Variants in TENM1 observed in about 807,000 individuals in gnomAD.
TENM1 encodes the protein teneurin-1.
TENM1 carries 35 observed loss-of-function variants against 174.8 expected under a neutral mutation model. The ratio of observed to expected loss-of-function variants is 0.20; its 90% CI spans 0.15 to 0.27. The LOEUF (loss-of-function observed/expected upper bound fraction) is 0.27, where lower values mean the gene tolerates loss of function less well. TENM1 is among the 10% of genes least tolerant of loss of function. The pLI is 1.00. For synonymous variants in TENM1, 781 were observed against 798.7 expected (o/e 0.98, Z 0.37); for missense variants, 1,633 against 2,130.1 (o/e 0.77, Z 4.59).
intron 16 of TENM1, among the ~76,000 whole-genome samples, chrX:124,529,429 T>C (rs1470922128): frequency 8.9e-6 from 1 of 111,738 alleles, no homozygotes; most frequent in African/African-American, 3.3e-5. Flanking sequence ...ATAGGCAGCC[T>C]AGGGAGGACA....
At chrX:125,064,152 G>GA in the TENM1 span, among the ~76,000 whole-genome samples, 2 of 103,109 alleles carry the variant, frequency 1.9e-5, no homozygotes, top group Non-Finnish European at 3.9e-5. Context: ...ACACACCGGG[G>GA]CCGTTGTGGG....
At chrX:124,408,503 G>A (rs1383237773) in intron 25 of TENM1, among the ~76,000 whole-genome samples, 1 of 110,998 alleles carries the variant, frequency 9.0e-6, no homozygotes, top group African/African-American at 3.3e-5. Context: ...GCAGTAGACC[G>A]AAGGAAGCTG....
chrX:125,053,106 T>C, the TENM1 span, among the ~76,000 whole-genome samples: 28 of 112,151 alleles, frequency 2.5e-4, 1 homozygote, highest in Middle Eastern at 0.018. Flanking sequence ...AGAAAGAGAC[T>C]GTGAGAATCT....
intron 6 of TENM1, among the ~76,000 whole-genome samples, chrX:124,660,729 TA>T (rs1569372314): frequency 8.9e-6 from 1 of 111,904 alleles, no homozygotes. Flanking sequence ...ATAACAAGTG[TA>T]AGGATGTGGA....
the TENM1 span, among the ~76,000 whole-genome samples, chrX:125,135,256 C>A: frequency 8.9e-6 from 1 of 111,817 alleles, no homozygotes; most frequent in African/African-American, 3.2e-5. Context: ...AAAAGCAGAT[C>A]ACTCTACTTG....
At chrX:125,072,902 T>A in the TENM1 span, among the ~76,000 whole-genome samples, 1 of 110,648 alleles carries the variant, frequency 9.0e-6, no homozygotes, top group African/African-American at 3.3e-5. Context: ...TGCCTTATAA[T>A]TACATTGAGA....
At chrX:124,780,473 G>T (rs1209244588) in intron 3 of TENM1, among the ~76,000 whole-genome samples, 1 of 111,638 alleles carries the variant, frequency 9.0e-6, no homozygotes, top group African/African-American at 3.3e-5. Context: ...TCTTTGAGCA[G>T]AAATTGGGAC....
chrX:124,839,803 G>A lies in TENM1; in HGVS notation c.535+54493C>T, dbSNP rs184237760. Among the ~76,000 whole-genome samples, 20 of 111,989 alleles carry A rather than the reference G, an allele frequency of 1.8e-4. No individual in the cohort carries two copies. The East Asian group carries it at 4.8e-3, about 27-fold the overall frequency. On this transcript the variant is annotated intron_variant, in intron 3 of 31. Coordinates refer to ENST00000422452, the Ensembl canonical transcript of TENM1. Reference sequence around the variant, plus strand: ...ATCGTCTGGTCCCTGTCCTTCAGATGCAATCAGCTTCAGTTCATTTTGTTA... The same window carrying A: ...ATCGTCTGGTCCCTGTCCTTCAGATACAATCAGCTTCAGTTCATTTTGTTA...
At chrX:124,738,744 G>A (rs974169682) in intron 3 of TENM1, among the ~76,000 whole-genome samples, 14 of 111,497 alleles carry the variant, frequency 1.3e-4, no homozygotes, top group Non-Finnish European at 1.9e-4. Context: ...ACTCATAACC[G>A]TAACTAGAAG....
chrX:124,847,588 G>GGA (rs1229311626), intron 3 of TENM1, among the ~76,000 whole-genome samples: 9 of 111,544 alleles, frequency 8.1e-5, no homozygotes, highest in Non-Finnish European at 1.5e-4. Flanking sequence ...CAGAAAGCAT[G>GGA]GAGTAAGGTC....
At position 124,828,723 on chromosome X, in the gene TENM1, C is replaced by T. The variant is rs746637181; in HGVS notation, c.535+65573G>A. 6.3e-5 allele frequency among the ~76,000 whole-genome samples: 7 copies of T among 111,517 alleles called. No homozygotes were observed. In the South Asian group the frequency reaches 2.7e-3, roughly 42 times the overall value. ...AAAATGTAAAAAATCATTATTAAAG[C>T]GGCTGAGGGCAAGGAACTAATCCAT... On this transcript the variant is annotated intron_variant, in intron 3 of 31. Transcript: ENST00000422452.
the TENM1 span, among the ~76,000 whole-genome samples, chrX:125,109,025 C>T: frequency 9.0e-6 from 1 of 111,144 alleles, no homozygotes; most frequent in Admixed American, 9.6e-5. Flanking sequence ...TTCTGCTCCC[C>T]TGTCTCAAAT....
At chrX:124,596,225 T>G (rs1190384201) in intron 11 of TENM1, among the ~76,000 whole-genome samples, 1 of 112,231 alleles carries the variant, frequency 8.9e-6, no homozygotes. Flanking sequence ...AAAAATTGTT[T>G]GCCTATATTT....
chrX:125,014,762 T>C, the TENM1 span, among the ~76,000 whole-genome samples: 1 of 111,625 alleles, frequency 9.0e-6, no homozygotes, highest in Non-Finnish European at 1.9e-5. Flanking sequence ...AGTAGTGTTA[T>C]ATGAAGTGTA....
chrX:124,566,525 C>T (rs775788801), intron 11 of TENM1, among the ~76,000 whole-genome samples: 27 of 111,910 alleles, frequency 2.4e-4, no homozygotes, highest in Non-Finnish European at 3.8e-4. Context: ...TAAAAACCTA[C>T]GGAAAGAATG....
chrX:124,855,828 TAAAGA>T (rs1392632689), intron 3 of TENM1, among the ~76,000 whole-genome samples: 19 of 110,506 alleles, frequency 1.7e-4, no homozygotes, highest in Admixed American at 1.1e-3. Context: ...AGTGGAAAAA[TAAAGA>T]AAAGAGGAAA....
At chrX:125,075,440 A>C in the TENM1 span, among the ~76,000 whole-genome samples, 1 of 111,637 alleles carries the variant, frequency 9.0e-6, no homozygotes, top group South Asian at 3.7e-4. Context: ...GAATAATACT[A>C]TTATGAACAT....
intron 3 of TENM1, among the ~76,000 whole-genome samples, chrX:124,778,493 CAAT>C (rs2054834583): frequency 8.9e-6 from 1 of 112,383 alleles, no homozygotes; most frequent in Non-Finnish European, 1.9e-5. Flanking sequence ...CTCTACAACA[CAAT>C]GAGTGGAATT....
the TENM1 span, among the ~76,000 whole-genome samples, chrX:125,080,055 T>C: frequency 9.0e-6 from 1 of 110,806 alleles, no homozygotes; most frequent in Non-Finnish European, 1.9e-5. Context: ...TCCAGATACG[T>C]TTCCTAGCTC....
Sources: gnomAD v4.1 joint callset for allele counts (sites outside exome capture counted in the v4.1 genomes callset) on GRCh38, gnomAD v4.1.1 for gene constraint, MANE v1.5 for transcripts, NCBI Gene and HGNC (gene_info 2026-07-23, HGNC 2026-07-21) for gene names.